SIPA1L3: variants seen among roughly 807,000 people sequenced by gnomAD.
The protein encoded by SIPA1L3 is signal-induced proliferation-associated 1-like protein 3.
SIPA1L3 carries 59 observed loss-of-function variants against 150.1 expected under a neutral mutation model. That is an observed-to-expected ratio of 0.39 (90% CI 0.32 to 0.49). SIPA1L3 has a LOEUF of 0.49. SIPA1L3 is among the 20% of genes least tolerant of loss of function. The pLI, the probability that SIPA1L3 is intolerant of heterozygous loss-of-function variation, is 0.86. For missense variants in SIPA1L3, 2,211 were observed against 2,489.5 expected (o/e 0.89, Z 2.38); for synonymous variants, 1,070 against 1,077.6 (o/e 0.99, Z 0.14).
chr19:38,162,435 C>A, intron 14 of SIPA1L3, 64 bp downstream of exon 14: 1 of 1,207,298 alleles, frequency 8.3e-7, no homozygotes, highest in Non-Finnish European at 1.2e-6. Context: ...GGCCTCTGAG[C>A]TTCACACTTG....
intron 1 of SIPA1L3, among the ~76,000 whole-genome samples, chr19:37,960,886 T>G (rs1315426781): frequency 6.6e-6 from 1 of 151,734 alleles, no homozygotes. Flanking sequence ...TTTTTTGTTT[T>G]GAGACAGAGT....
intron 12 of SIPA1L3, among the ~76,000 whole-genome samples, chr19:38,149,896 G>A (rs1266486678): frequency 1.3e-5 from 2 of 152,138 alleles, no homozygotes; most frequent in Admixed American, 6.6e-5. Flanking sequence ...TGCAGCATCC[G>A]CCACTCAGAC....
intron 9 of SIPA1L3, among the ~76,000 whole-genome samples, chr19:38,124,125 C>T (rs1254927255): frequency 7.3e-5 from 11 of 149,730 alleles, no homozygotes; most frequent in African/African-American, 2.4e-4. Context: ...CCCTCCCGGA[C>T]GGGGTGGCTG....
At chr19:38,178,785 G>A (rs1972499927) in intron 15 of SIPA1L3, among the ~76,000 whole-genome samples, 1 of 152,028 alleles carries the variant, frequency 6.6e-6, no homozygotes, top group South Asian at 2.1e-4. Flanking sequence ...CAGGCCAAAT[G>A]TTAAGCTGAA....
chr19:37,977,204 G>A (rs144537223), intron 1 of SIPA1L3, among the ~76,000 whole-genome samples: 1,559 of 151,770 alleles, frequency 0.01, 36 homozygotes, highest in African/African-American at 0.036. Flanking sequence ...TTGCTCTGTC[G>A]CCCAGGCTGG....
Position 37,920,727 on chromosome 19 carries a change from C to A in SIPA1L3, c.-379+13369C>A, listed in dbSNP as rs533897271. Among the ~76,000 whole-genome samples the A allele has an allele frequency of 3.9e-5, 6 of 152,182 alleles. No individual in the cohort carries two copies. In the South Asian group the frequency reaches 1.2e-3, roughly 32 times the overall value. On this transcript the variant is annotated intron_variant, in intron 1 of 21. Transcript: ENST00000222345. ...GTTTGCTTTTTTCTTTTTTTTGTCTCTATTATATGAGCCAATACTTGGCCC... is the reference window on the plus strand; with the variant it reads ...GTTTGCTTTTTTCTTTTTTTTGTCTATATTATATGAGCCAATACTTGGCCC...
intron 8 of SIPA1L3, 112 bp downstream of exon 8, chr19:38,110,496 A>C (rs1226193302): frequency 2.4e-6 from 2 of 846,092 alleles, no homozygotes; most frequent in South Asian, 1.8e-5. Context: ...CTTCAGGAGA[A>C]GAGCTCGGCG....
intron 2 of SIPA1L3, among the ~76,000 whole-genome samples, chr19:38,067,838 A>T (rs1229710320): frequency 6.6e-6 from 1 of 151,912 alleles, no homozygotes; most frequent in Non-Finnish European, 1.5e-5. Flanking sequence ...TGGCTTTCAC[A>T]GCCGTGGCTG....
Position 38,088,701 on chromosome 19 carries a change from C to T in SIPA1L3, c.1535-20C>T, listed in dbSNP as rs557831137. 1.0e-4 allele frequency: 164 copies of T among 1,610,870 alleles called. 1 individual carries two copies. In the South Asian group the frequency reaches 1.5e-3, roughly 14 times the overall value. ...CTTCCCAGACAGCTGAGCCTGAACT[C>T]GCCTGCTCTTCCTTCTTAGAACATG... is the stretch of plus-strand genomic sequence containing the variant. On this transcript the variant is annotated intron_variant, in intron 3 of 21. Transcript: ENST00000222345.
intron 15 of SIPA1L3, among the ~76,000 whole-genome samples, chr19:38,178,492 T>C (rs1972491682): frequency 1.3e-5 from 2 of 152,086 alleles, no homozygotes; most frequent in South Asian, 4.2e-4. Flanking sequence ...GTTTTTGTTT[T>C]TGAGATGGAG....
At chr19:38,130,099 A>G (rs902630729) in intron 9 of SIPA1L3, among the ~76,000 whole-genome samples, 2 of 152,200 alleles carry the variant, frequency 1.3e-5, no homozygotes, top group African/African-American at 4.8e-5. Flanking sequence ...GATGAAATAA[A>G]TACCACAGCC....
intron 2 of SIPA1L3, among the ~76,000 whole-genome samples, chr19:38,048,522 G>A (rs1198381877): frequency 6.6e-6 from 1 of 152,152 alleles, no homozygotes; most frequent in Admixed American, 6.5e-5. Flanking sequence ...GGCCGGTCAA[G>A]TTACTAGAGG....
chr19:38,178,262 G>A (rs1206221379), intron 15 of SIPA1L3, among the ~76,000 whole-genome samples: 1 of 151,684 alleles, frequency 6.6e-6, no homozygotes, highest in African/African-American at 2.4e-5. Flanking sequence ...TAGCACTTTG[G>A]GAGGCTGGGG....
At chr19:38,023,882 C>A (rs143999834) in intron 1 of SIPA1L3, among the ~76,000 whole-genome samples, 184 of 152,306 alleles carry the variant, frequency 1.2e-3, no homozygotes, top group Non-Finnish European at 2.4e-3. Context: ...AACCTCCTGC[C>A]GTCTTGGGAC....
At chr19:37,972,168 AGT>A (rs34744094) in intron 1 of SIPA1L3, among the ~76,000 whole-genome samples, 8,814 of 144,914 alleles carry the variant, frequency 0.061, 278 homozygotes, top group East Asian at 0.11. Context: ...AGAGATACCT[AGT>A]GTGTGTGTGT....
At chr19:38,155,687 C>T (rs1344624108) in intron 13 of SIPA1L3, among the ~76,000 whole-genome samples, 1 of 152,262 alleles carries the variant, frequency 6.6e-6, no homozygotes, top group Non-Finnish European at 1.5e-5. Flanking sequence ...GCTGGGAGAG[C>T]TGACCCCATC....
chr19:38,052,736 G>C (rs1969225159), intron 2 of SIPA1L3, among the ~76,000 whole-genome samples: 1 of 152,246 alleles, frequency 6.6e-6, no homozygotes, highest in African/African-American at 2.4e-5. Context: ...ACCTGAGGCA[G>C]CTCTTTGGGC....
intron 1 of SIPA1L3, among the ~76,000 whole-genome samples, chr19:37,979,503 G>A (rs1162062576): frequency 6.6e-6 from 1 of 151,686 alleles, no homozygotes; most frequent in Non-Finnish European, 1.5e-5. Flanking sequence ...GTTGCAGTGA[G>A]CCGAGATCGT....
chr19:37,962,463 CTTTTT>C (rs71177491), intron 1 of SIPA1L3, among the ~76,000 whole-genome samples: 4 of 73,102 alleles, frequency 5.5e-5, no homozygotes, highest in African/African-American at 1.4e-4. Flanking sequence ...TGCAGCCGGC[CTTTTT>C]TTTTTTTTTT....
Sources: allele counts gnomAD v4.1 joint callset (sites outside exome capture counted in the v4.1 genomes callset), GRCh38; gene constraint gnomAD v4.1.1; transcripts MANE v1.5; gene names NCBI Gene and HGNC (gene_info 2026-07-23, HGNC 2026-07-21).